The following DIP2C variants were observed in gnomAD, a reference collection of about 807,000 sequenced individuals.
DIP2C encodes DIP2 acetate--CoA ligase C (putative).
A neutral mutation model predicts 192.4 loss-of-function variants in DIP2C; 33 were observed. The ratio of observed to expected loss-of-function variants is 0.17; its 90% CI spans 0.13 to 0.23. The LOEUF is 0.23. Among genes scored for constraint, DIP2C ranks in the 10% least tolerant of loss-of-function variants. The probability of loss-of-function intolerance (pLI) is 1.00; values close to 1 mark genes in which losing one functional copy is unlikely to be tolerated. For synonymous variants in DIP2C, 979 were observed against 864.1 expected (o/e 1.13, Z -2.33); for missense variants, 1,537 against 2,110.1 (o/e 0.73, Z 5.32).
At position 640,614 on chromosome 10, in the gene DIP2C, C is replaced by T. The variant is rs981344166; in HGVS notation, c.85+48880G>A. On this transcript the variant is annotated intron_variant, in intron 1 of 36. Coordinates refer to ENST00000280886, the MANE Select transcript of DIP2C (RefSeq NM_014974.3). ...GTGCGTGCCGGGACGAGGGTGCGCG[C>T]GGGGAAGAAGCTGCGCGCGGGGATG... Among the ~76,000 whole-genome samples, 5 of 150,728 alleles carry T rather than the reference C, an allele frequency of 3.3e-5. No individual in the cohort carries two copies. The East Asian group carries it at 7.8e-4, about 24-fold the overall frequency.
chr10:452,083 G>T (rs1000277200), intron 3 of DIP2C, among the ~76,000 whole-genome samples: 7 of 152,166 alleles, frequency 4.6e-5, no homozygotes, highest in African/African-American at 1.7e-4. Context: ...ACAGGATCGG[G>T]TAACACGAGC....
At chr10:481,132 A>AC (rs919386965) in intron 2 of DIP2C, among the ~76,000 whole-genome samples, 3 of 151,964 alleles carry the variant, frequency 2.0e-5, no homozygotes, top group African/African-American at 7.3e-5. Context: ...AAGAATACGG[A>AC]CCCACTGCGC....
chr10:621,966 T>C (rs1161308759), intron 1 of DIP2C, among the ~76,000 whole-genome samples: 3 of 151,894 alleles, frequency 2.0e-5, no homozygotes, highest in Non-Finnish European at 2.9e-5. Flanking sequence ...CATAGCCTGT[T>C]TTTTCTTTTT....
chr10:576,825 T>C (rs529410906), intron 1 of DIP2C, among the ~76,000 whole-genome samples: 2 of 152,216 alleles, frequency 1.3e-5, no homozygotes, highest in South Asian at 4.2e-4. Flanking sequence ...AAGAATCTCT[T>C]GAACCTGGGA....
intron 32 of DIP2C, among the ~76,000 whole-genome samples, chr10:307,990 G>T (rs1956404017): frequency 6.7e-6 from 1 of 148,656 alleles, no homozygotes. Flanking sequence ...GGCTTTGGGG[G>T]TGCCTGGGCG....
At chr10:404,873 G>C (rs1386231887) in intron 9 of DIP2C, among the ~76,000 whole-genome samples, 1 of 152,202 alleles carries the variant, frequency 6.6e-6, no homozygotes, top group African/African-American at 2.4e-5. Flanking sequence ...GTTTACACTA[G>C]GCATGAGTGT....
intron 1 of DIP2C, among the ~76,000 whole-genome samples, chr10:670,143 T>C (rs1459700162): frequency 6.6e-6 from 1 of 151,936 alleles, no homozygotes; most frequent in Non-Finnish European, 1.5e-5. Context: ...CGCATACACG[T>C]GTACACATAT....
At chr10:510,705 G>A (rs1006554053) in intron 1 of DIP2C, among the ~76,000 whole-genome samples, 1 of 152,258 alleles carries the variant, frequency 6.6e-6, no homozygotes, top group Non-Finnish European at 1.5e-5. Flanking sequence ...TGAGAGAGCA[G>A]CTGACTGCAT....
At chr10:388,181 A>G (rs1963142150) in intron 13 of DIP2C, among the ~76,000 whole-genome samples, 1 of 152,166 alleles carries the variant, frequency 6.6e-6, no homozygotes, top group South Asian at 2.1e-4. Flanking sequence ...CTCTGCGCAC[A>G]GAGGAGGAAG....
intron 29 of DIP2C, among the ~76,000 whole-genome samples, chr10:337,969 C>CGT (rs922684879): frequency 8.3e-5 from 6 of 72,552 alleles, no homozygotes; most frequent in East Asian, 4.2e-4. Flanking sequence ...TGTGTGTGTG[C>CGT]GTGTGTGTGT....
intron 1 of DIP2C, among the ~76,000 whole-genome samples, chr10:563,498 T>C (rs1160279866): frequency 1.3e-5 from 2 of 152,194 alleles, no homozygotes; most frequent in African/African-American, 2.4e-5. Flanking sequence ...TAGCTAGGCA[T>C]ACAGTGTACG....
intron 8 of DIP2C, among the ~76,000 whole-genome samples, chr10:411,467 T>C (rs1965181159): frequency 6.6e-6 from 1 of 152,234 alleles, no homozygotes; most frequent in East Asian, 1.9e-4. Flanking sequence ...TTTCTGTTAC[T>C]GATCCCAAGT....
At chr10:321,598 CCGGCGCTGTTAGAA>C (rs1957026203) in intron 31 of DIP2C, among the ~76,000 whole-genome samples, 17 of 144,236 alleles carry the variant, frequency 1.2e-4, no homozygotes, top group East Asian at 1.0e-3. Flanking sequence ...CAGCGAGAGA[CCGGCGCTGTTAGAA>C]CAGTCAGTCG....
At chr10:320,635 T>TTA (rs1956964059) in intron 31 of DIP2C, among the ~76,000 whole-genome samples, 2 of 152,160 alleles carry the variant, frequency 1.3e-5, no homozygotes, top group South Asian at 4.1e-4. Context: ...AGCCATGCTC[T>TTA]TAGCTGAGTG....
intron 1 of DIP2C, among the ~76,000 whole-genome samples, chr10:531,113 G>A (rs1460630031): frequency 6.6e-6 from 1 of 152,172 alleles, no homozygotes; most frequent in Admixed American, 6.5e-5. Context: ...ATCTTTGGTC[G>A]TGACGCGCTG....
At chr10:440,133 C>A (rs1390053478) in intron 4 of DIP2C, among the ~76,000 whole-genome samples, 2 of 152,038 alleles carry the variant, frequency 1.3e-5, no homozygotes, top group Non-Finnish European at 2.9e-5. Flanking sequence ...ATTATTTGGG[C>A]AGAGAAAATA....
At chr10:662,043 C>G (rs985320725) in intron 1 of DIP2C, 6 of 716,448 alleles carry the variant, frequency 8.4e-6, no homozygotes, top group Non-Finnish European at 1.3e-5. Flanking sequence ...GCCTGTCCCC[C>G]GTGGCTCCAC....
At position 593,687 on chromosome 10, in the gene DIP2C, G is replaced by A. The variant is rs565621075; in HGVS notation, c.85+95807C>T. On this transcript the variant is annotated intron_variant, in intron 1 of 36. Transcript: ENST00000280886. ...CGGGGTCCCCAGATGCTCTGCACAC[G>A]GCCTGGGGCACCACCTGAACACAGC... is the stretch of plus-strand genomic sequence containing the variant. Among the ~76,000 whole-genome samples the A allele has an allele frequency of 3.0e-3, 459 of 152,192 alleles. 1 individual carries two copies. The highest frequency in any genetic ancestry group is 4.6e-3 in the Admixed American group (71 of 15,286).
At chr10:545,307 C>T (rs1848228426) in intron 1 of DIP2C, among the ~76,000 whole-genome samples, 1 of 151,590 alleles carries the variant, frequency 6.6e-6, no homozygotes, top group Non-Finnish European at 1.5e-5. Context: ...GCTGGGACTA[C>T]AGGCACCTGC....
Sources: allele counts gnomAD v4.1 joint callset (sites outside exome capture counted in the v4.1 genomes callset), GRCh38; gene constraint gnomAD v4.1.1; transcripts MANE v1.5; gene names NCBI Gene and HGNC (gene_info 2026-07-23, HGNC 2026-07-21).